Variants in C8orf74 observed in about 807,000 individuals in gnomAD.
C8orf74 encodes the protein uncharacterized protein C8orf74.
C8orf74 carries 29 observed loss-of-function variants against 22.2 expected under a neutral mutation model. That is an observed-to-expected ratio of 1.31 (90% CI 0.97 to 1.78). C8orf74 has a LOEUF of 1.78. Among genes scored for constraint, C8orf74 ranks in the 40% most tolerant of loss-of-function variants. The pLI, the probability that C8orf74 is intolerant of heterozygous loss-of-function variation, is 0.00. For missense variants in C8orf74, 515 were observed against 369.9 expected (o/e 1.39, Z -3.22); for synonymous variants, 255 against 163.1 (o/e 1.56, Z -4.30).
chr8:10,695,813 G>A (rs1317942147), intron 2 of C8orf74, among the ~76,000 whole-genome samples: 2 of 152,182 alleles, frequency 1.3e-5, no homozygotes, highest in African/African-American at 4.8e-5. Flanking sequence ...GGACAAGTCA[G>A]GTCCCCTACT....
At chr8:10,683,893 T>G (rs538518369) in intron 2 of C8orf74, among the ~76,000 whole-genome samples, 5 of 152,340 alleles carry the variant, frequency 3.3e-5, no homozygotes, top group African/African-American at 1.2e-4. Context: ...TTCCTGCTGT[T>G]GCACTGAAAG....
chr8:10,682,682 A>G (rs1799177138), intron 2 of C8orf74, among the ~76,000 whole-genome samples: 1 of 152,234 alleles, frequency 6.6e-6, no homozygotes, highest in South Asian at 2.1e-4. Flanking sequence ...ACTGGGGATT[A>G]GGACCTCAAC....
intron 1 of C8orf74, 79 bp downstream of exon 1, chr8:10,672,792 C>A: frequency 1.5e-6 from 2 of 1,351,942 alleles, no homozygotes; most frequent in Non-Finnish European, 1.0e-6. Flanking sequence ...CTGGAAGCGC[C>A]TCTTCAGGAG....
intron 2 of C8orf74, chr8:10,687,376 G>A (rs1047606552): frequency 2.4e-5 from 7 of 288,824 alleles, no homozygotes; most frequent in South Asian, 1.2e-4. Context: ...ACGGCTAGGC[G>A]CAATGGCTAA....
At chr8:10,698,101 C>A in intron 3 of C8orf74, 96 bp downstream of exon 3, 2 of 1,240,378 alleles carry the variant, frequency 1.6e-6, no homozygotes, top group Non-Finnish European at 2.1e-6. Flanking sequence ...CTCAGTGGCA[C>A]ACAGGGGAGG....
chr8:10,700,114 T>G, intron 3 of C8orf74, 121 bp from the exon 4 acceptor site: 1 of 594,990 alleles, frequency 1.7e-6, no homozygotes. Context: ...CCACGGCCCG[T>G]GGGCAGGGTG....
chr8:10,674,899 A>T, intron 2 of C8orf74, 61 bp downstream of exon 2: 1 of 1,398,500 alleles, frequency 7.2e-7, no homozygotes, highest in Non-Finnish European at 9.7e-7. Flanking sequence ...GTACACATAG[A>T]ACTCCCCTGC....
At chr8:10,692,741 G>A (rs928018718) in intron 2 of C8orf74, 1 of 152,014 alleles carries the variant, frequency 6.6e-6, no homozygotes, top group African/African-American at 2.4e-5. Flanking sequence ...CAGGCTCAAG[G>A]GATACCCCTG....
intron 2 of C8orf74, among the ~76,000 whole-genome samples, chr8:10,683,142 A>G (rs1426104106): frequency 6.6e-6 from 1 of 152,190 alleles, no homozygotes; most frequent in Non-Finnish European, 1.5e-5. Flanking sequence ...AGGGCTGCGG[A>G]GTGCAGACGG....
intron 1 of C8orf74, among the ~76,000 whole-genome samples, 179 bp downstream of exon 1, chr8:10,672,892 C>T (rs974425330): frequency 3.3e-5 from 5 of 152,118 alleles, no homozygotes; most frequent in Admixed American, 2.0e-4. Context: ...CTTACCAGCC[C>T]CTGGACCTTG....
chr8:10,699,498 T>TC (rs1563166580), intron 3 of C8orf74, among the ~76,000 whole-genome samples: 1 of 152,354 alleles, frequency 6.6e-6, no homozygotes, highest in East Asian at 1.9e-4. Context: ...TTCCAGTGTG[T>TC]CCCCTGACAA....
chr8:10,697,995 T>C lies in C8orf74; in HGVS notation c.638T>C (p.Leu213Pro). ...GCGCCTGCGCAGCCCGGCCAGGTCC[T>C]GGAGAGACAGGTGAGGCTCTGCCCC... ...AAAPAQPGQV[L>P]ERQELESLIC... Residue 213 changes from leucine to proline, a missense_variant, in exon 3 of 4, where the codon CTG becomes CCG. Coordinates refer to ENST00000304519, the MANE Select transcript of C8orf74 (RefSeq NM_001040032.2). 4 of 1,484,876 alleles carry C rather than the reference T, an allele frequency of 2.7e-6. No homozygotes were observed. The highest frequency in any genetic ancestry group is 3.6e-6 in the Non-Finnish European group (4 of 1,120,800). 92.0% of individuals were successfully genotyped at this position (1,484,876 alleles called of 1,614,324 possible).
At position 10,698,557 on chromosome 8, in the gene C8orf74, G is replaced by C. The variant is rs146383060; in HGVS notation, c.648+552G>C. ...CAGACTTTGGGCTGCCCTCTTGGAG[G>C]TTCTGCCAGACCACTGGGGCTCTAG... On this transcript the variant is annotated intron_variant, in intron 3 of 3. Transcript: ENST00000304519. 8.8e-3 allele frequency among the ~76,000 whole-genome samples: 1,340 copies of C among 152,154 alleles called. 19 individuals carry two copies. The highest frequency in any genetic ancestry group is 0.026 in the African/African-American group (1,091 of 41,506).
Position 10,700,539 on chromosome 8 carries a change from G to A in C8orf74, c.*68G>A. On this transcript the variant is annotated 3_prime_UTR_variant, in exon 4 of 4. Transcript: ENST00000304519. ...CCATAACCATGAGCCTTGCGGCACG[G>A]TGAGCTCAGCACCCACAGAGAGACT... The A allele has an allele frequency of 1.0e-6, 1 of 965,266 alleles. No individual in the cohort carries two copies. Among genetic ancestry groups the A allele is most frequent in the Non-Finnish European group, 1.5e-6 (1 of 657,692 alleles). 59.8% of individuals were successfully genotyped at this position (965,266 alleles called of 1,614,324 possible).
intron 2 of C8orf74, among the ~76,000 whole-genome samples, chr8:10,681,990 C>T (rs902399420): frequency 6.6e-6 from 1 of 152,246 alleles, no homozygotes; most frequent in Non-Finnish European, 1.5e-5. Context: ...GTGACTCTTC[C>T]AAGCTCCTGG....
chr8:10,685,088 A>G (rs1388538107), intron 2 of C8orf74, among the ~76,000 whole-genome samples: 1 of 152,196 alleles, frequency 6.6e-6, no homozygotes, highest in African/African-American at 2.4e-5. Flanking sequence ...TGAACTATTT[A>G]TTTCCGGAGA....
At chr8:10,677,803 G>A (rs1799064223) in intron 2 of C8orf74, among the ~76,000 whole-genome samples, 1 of 152,156 alleles carries the variant, frequency 6.6e-6, no homozygotes, top group African/African-American at 2.4e-5. Context: ...TAGCCGATGG[G>A]TGCACTGGCT....
chr8:10,680,639 C>G (rs1314417955), intron 2 of C8orf74, among the ~76,000 whole-genome samples: 2 of 152,190 alleles, frequency 1.3e-5, no homozygotes, highest in African/African-American at 4.8e-5. Flanking sequence ...GAAGGGAGGC[C>G]CAGACCACCT....
At chr8:10,683,760 A>G (rs1265646490) in intron 2 of C8orf74, among the ~76,000 whole-genome samples, 1 of 152,192 alleles carries the variant, frequency 6.6e-6, no homozygotes, top group African/African-American at 2.4e-5. Flanking sequence ...ACATCCAGGA[A>G]TCCCGTCTTT....
Sources: allele counts gnomAD v4.1 joint callset (sites outside exome capture counted in the v4.1 genomes callset), GRCh38; gene constraint gnomAD v4.1.1; transcripts MANE v1.5; gene names NCBI Gene and HGNC (gene_info 2026-07-23, HGNC 2026-07-21).